Variants in THSD7B observed in about 807,000 individuals in gnomAD.
The protein encoded by THSD7B is thrombospondin type 1 domain containing 7B.
Under a neutral mutation model 213.6 loss-of-function variants are expected in THSD7B, and 138 were observed. The observed-to-expected ratio is 0.65, with a 90% CI of 0.56 to 0.74. The LOEUF is 0.74. Among genes scored for constraint, THSD7B ranks in the 30% least tolerant of loss-of-function variants. The pLI is 0.00. For missense variants in THSD7B, 1,931 were observed against 1,991.5 expected (o/e 0.97, Z 0.58); for synonymous variants, 742 against 687.0 (o/e 1.08, Z -1.25).
chr2:137,355,566 GA>G (rs1193327692), intron 12 of THSD7B, among the ~76,000 whole-genome samples: 1 of 152,060 alleles, frequency 6.6e-6, no homozygotes, highest in East Asian at 1.9e-4. Flanking sequence ...CCTGAGAGGG[GA>G]CCAGAGTATC....
At chr2:137,058,331 G>A (rs1327285016) in intron 3 of THSD7B, among the ~76,000 whole-genome samples, 1 of 152,152 alleles carries the variant, frequency 6.6e-6, no homozygotes, top group East Asian at 1.9e-4. Context: ...CATGCAATTT[G>A]TTTGAATGTG....
At chr2:136,818,443 T>A (rs1481483802) in intron 1 of THSD7B, among the ~76,000 whole-genome samples, 1 of 151,190 alleles carries the variant, frequency 6.6e-6, no homozygotes, top group Non-Finnish European at 1.5e-5. Context: ...ATATACCTAA[T>A]GCTAGATGAC....
chr2:137,125,585 G>A (rs1573838265), intron 5 of THSD7B, among the ~76,000 whole-genome samples: 1 of 152,112 alleles, frequency 6.6e-6, no homozygotes, highest in Admixed American at 6.6e-5. Flanking sequence ...AGTCATTCAT[G>A]ATGTTTGGAA....
intron 7 of THSD7B, among the ~76,000 whole-genome samples, chr2:137,222,725 C>T (rs1340784972): frequency 6.6e-6 from 1 of 152,120 alleles, no homozygotes; most frequent in African/African-American, 2.4e-5. Context: ...TTCTGAAAGT[C>T]GGTAATTCAT....
chr2:137,605,693 G>A (rs1301299974), intron 17 of THSD7B, among the ~76,000 whole-genome samples: 2 of 100,528 alleles, frequency 2.0e-5, no homozygotes, highest in African/African-American at 8.6e-5. Context: ...TTTTTGAGAC[G>A]GAGTCCTGCT....
intron 17 of THSD7B, among the ~76,000 whole-genome samples, chr2:137,608,139 T>C (rs1215310558): frequency 1.3e-5 from 2 of 152,224 alleles, no homozygotes; most frequent in African/African-American, 4.8e-5. Context: ...GCATCTTTTG[T>C]GCACTGTGGG....
intron 15 of THSD7B, among the ~76,000 whole-genome samples, chr2:137,530,665 G>A (rs979821682): frequency 6.6e-6 from 1 of 151,964 alleles, no homozygotes; most frequent in African/African-American, 2.4e-5. Flanking sequence ...GTGTTATGGG[G>A]TGTTCTGGGG....
intron 12 of THSD7B, among the ~76,000 whole-genome samples, chr2:137,400,642 A>G (rs966337872): frequency 3.9e-5 from 6 of 152,158 alleles, no homozygotes; most frequent in Non-Finnish European, 1.5e-5. Context: ...CTTCTTCCTT[A>G]TCACTGTGAT....
chr2:137,543,186 C>T (rs1308889535), intron 15 of THSD7B, among the ~76,000 whole-genome samples: 1 of 151,786 alleles, frequency 6.6e-6, no homozygotes, highest in African/African-American at 2.4e-5. Context: ...CTTATAAGGA[C>T]TCTTTTCCTT....
At chr2:136,891,781 T>C (rs534764585) in intron 2 of THSD7B, among the ~76,000 whole-genome samples, 1 of 152,194 alleles carries the variant, frequency 6.6e-6, no homozygotes, top group Non-Finnish European at 1.5e-5. Context: ...TCCATCCATG[T>C]TGCAATTCTC....
At chr2:137,547,149 T>C (rs961222999) in intron 15 of THSD7B, among the ~76,000 whole-genome samples, 34 of 152,182 alleles carry the variant, frequency 2.2e-4, no homozygotes, top group African/African-American at 7.7e-4. Flanking sequence ...TTTATCACCA[T>C]GTAAGTGAAT....
chr2:136,916,626 GA>G (rs1387851355), intron 2 of THSD7B, among the ~76,000 whole-genome samples: 1 of 152,212 alleles, frequency 6.6e-6, no homozygotes, highest in African/African-American at 2.4e-5. Context: ...GCATGATATA[GA>G]AAATGTATTT....
chr2:137,063,722 T>C (rs183420043), intron 3 of THSD7B, among the ~76,000 whole-genome samples: 2 of 152,162 alleles, frequency 1.3e-5, no homozygotes, highest in African/African-American at 2.4e-5. Flanking sequence ...TCTAGCTCCA[T>C]GAGTTCAATT....
rs1553461649 is a variant in THSD7B, at chr2:137,582,134, A to AACTT, written c.3423+9579_3423+9580insCTTA. On this transcript the variant is annotated intron_variant, in intron 17 of 27. Coordinates refer to ENST00000409968, the MANE Select transcript of THSD7B (RefSeq NM_001316349.2). ...AAATAAAATATAGATAAATAAAAAT[A>AACTT]AATTAATTAAATTCTATTTAGTTTA... 3.9e-3 allele frequency among the ~76,000 whole-genome samples: 593 copies of AACTT among 151,860 alleles called. 5 individuals carry two copies. Among genetic ancestry groups the AACTT allele is most frequent in the African/African-American group, 0.014 (570 of 41,444 alleles).
intron 15 of THSD7B, among the ~76,000 whole-genome samples, chr2:137,562,631 T>TGTGC (rs3048475): frequency 6.6e-6 from 1 of 150,882 alleles, no homozygotes; most frequent in Non-Finnish European, 1.5e-5. Flanking sequence ...TGTGTGTGTG[T>TGTGC]ATCTGTTTTA....
chr2:137,522,240 G>A (rs1158089656), intron 15 of THSD7B, among the ~76,000 whole-genome samples: 1 of 152,198 alleles, frequency 6.6e-6, no homozygotes, highest in Non-Finnish European at 1.5e-5. Flanking sequence ...GTCCCTTGTA[G>A]ACTGCATGTG....
intron 7 of THSD7B, 30 bp downstream of exon 7, chr2:137,170,968 A>C (rs1288924452): frequency 6.2e-7 from 1 of 1,607,914 alleles, no homozygotes; most frequent in Non-Finnish European, 8.5e-7. Context: ...TAGAGGTGTT[A>C]GGATGTTAAG....
chr2:137,139,120 A>C (rs1372222376), intron 5 of THSD7B, among the ~76,000 whole-genome samples: 1 of 152,118 alleles, frequency 6.6e-6, no homozygotes, highest in African/African-American at 2.4e-5. Context: ...TTTCATTGTA[A>C]AGGAATGGAA....
intron 15 of THSD7B, among the ~76,000 whole-genome samples, chr2:137,464,221 A>T (rs1478766232): frequency 2.0e-5 from 3 of 151,976 alleles, no homozygotes; most frequent in Non-Finnish European, 4.4e-5. Flanking sequence ...TTTAATGTTT[A>T]TCCCTCCCCA....
Sources: gnomAD v4.1 joint callset for allele counts (sites outside exome capture counted in the v4.1 genomes callset) on GRCh38, gnomAD v4.1.1 for gene constraint, MANE v1.5 for transcripts, NCBI Gene and HGNC (gene_info 2026-07-23, HGNC 2026-07-21) for gene names.